Variants in SLFN5 observed in about 807,000 individuals in gnomAD.
SLFN5 encodes the protein schlafen family member 5.
In SLFN5, 34 loss-of-function variants were observed where a neutral mutation model predicts 48.5. The observed-to-expected ratio is 0.70, with a 90% CI of 0.53 to 0.93. The LOEUF (loss-of-function observed/expected upper bound fraction) is 0.93. Among genes scored for constraint, SLFN5 ranks in the 40% least tolerant of loss-of-function variants. The pLI is 0.00. For missense variants in SLFN5, 1,006 were observed against 1,071.3 expected (o/e 0.94, Z 0.85); for synonymous variants, 387 against 396.2 (o/e 0.98, Z 0.28).
intron 1 of SLFN5, among the ~76,000 whole-genome samples, chr17:35,246,985 C>A (rs971985461): frequency 6.6e-6 from 1 of 152,044 alleles, no homozygotes; most frequent in East Asian, 1.9e-4. Context: ...AATATACATA[C>A]AAACTCTGGC....
chr17:35,258,535 A>C, intron 1 of SLFN5, 116 bp from the exon 2 acceptor site: 1 of 793,706 alleles, frequency 1.3e-6, no homozygotes, highest in Non-Finnish European at 1.9e-6. Flanking sequence ...GACACAGTCA[A>C]ATCATATCAG....
chr17:35,244,330 A>G (rs995364044), intron 1 of SLFN5, among the ~76,000 whole-genome samples: 6 of 152,120 alleles, frequency 3.9e-5, no homozygotes, highest in African/African-American at 1.4e-4. Flanking sequence ...TCACTAGTGC[A>G]GGCAGGAAGG....
At chr17:35,243,503 C>A (rs1022956477) in intron 1 of SLFN5, among the ~76,000 whole-genome samples, 3 of 152,236 alleles carry the variant, frequency 2.0e-5, no homozygotes, top group African/African-American at 7.2e-5. Flanking sequence ...GAAATCGGGG[C>A]TCCCGAGGAT....
intron 1 of SLFN5, among the ~76,000 whole-genome samples, 177 bp from the exon 2 acceptor site, chr17:35,258,474 A>C (rs1184117307): frequency 6.6e-6 from 1 of 152,170 alleles, no homozygotes; most frequent in Non-Finnish European, 1.5e-5. Context: ...GCTTCCTCCT[A>C]CAACATGTGG....
At position 35,264,452 on chromosome 17, in the gene SLFN5, G is replaced by A; in HGVS notation, c.1408G>A (p.Val470Ile). ...GGGGTGCAAGGGCTATTCTATGATA[G>A]TTGCCTATTCTTTGAAGCAGAAGCT... Reference protein sequence around the residue: ...DAGCKGYSMIVAYSLKQKLVN... With the variant: ...DAGCKGYSMIIAYSLKQKLVN... The change falls in exon 4 of 5, where the codon GTT (valine) becomes ATT (isoleucine). Residue 470 changes from valine (V) to isoleucine (I), a missense_variant. Transcript: ENST00000299977. The A allele has an allele frequency of 6.2e-7, 1 of 1,614,142 alleles. No homozygotes were observed. Among genetic ancestry groups the A allele is most frequent in the Non-Finnish European group, 8.5e-7 (1 of 1,180,022 alleles).
rs202246924 is a variant in SLFN5 at position 35,264,880 on chromosome 17, C to A, written c.1836C>A (p.Asn612Lys). 1.0e-4 allele frequency: 162 copies of A among 1,566,250 alleles called. No individual in the cohort carries two copies. Among genetic ancestry groups the A allele is most frequent in the Non-Finnish European group, 1.3e-4 (151 of 1,162,698 alleles). Residue 612 changes from asparagine to lysine, a missense_variant, in exon 4 of 5, where the codon AAC (asparagine) becomes AAA (lysine). Coordinates refer to ENST00000299977, the MANE Select transcript of SLFN5 (RefSeq NM_144975.4). Reference protein sequence around the residue: ...EPANILYICENQPLKKLVSFS... With the variant: ...EPANILYICEKQPLKKLVSFS... ...CTAACATTCTCTACATCTGTGAAAA[C>A]CAGCCCCTGAAGAAGTTGGTGAGGT...
chr17:35,264,936 T>A (rs747427703), intron 4 of SLFN5, 33 bp downstream of exon 4: 12 of 1,538,842 alleles, frequency 7.8e-6, no homozygotes, highest in Non-Finnish European at 8.7e-6. Flanking sequence ...CTTTATTTTC[T>A]TGAGTGACTG....
intron 1 of SLFN5, among the ~76,000 whole-genome samples, chr17:35,254,347 T>G (rs1051430086): frequency 7.9e-5 from 12 of 152,212 alleles, no homozygotes; most frequent in African/African-American, 2.7e-4. Context: ...GCCTGTGATC[T>G]GTAGGCCTGC....
At chr17:35,245,395 G>C (rs1243318133) in intron 1 of SLFN5, among the ~76,000 whole-genome samples, 3 of 152,128 alleles carry the variant, frequency 2.0e-5, no homozygotes, top group Admixed American at 2.0e-4. Context: ...ATTTCATCAG[G>C]CTACTCAGAA....
rs751316793 is a variant in SLFN5, at chr17:35,265,807, A to G, written c.2595A>G (p.Pro865=). The G allele has an allele frequency of 1.2e-6, 2 of 1,614,206 alleles. No homozygotes were observed. The highest frequency in any genetic ancestry group is 1.7e-6 in the Non-Finnish European group (2 of 1,180,040). ...IVFGINPGVA[P]PAGAYNLLLC... ...TTGGAATCAATCCAGGAGTAGCCCC[A>G]CCGGCTGGGGCCTACAATCTTCTGC... The change falls in exon 5 of 5, where the codon CCA becomes CCG. Residue 865 remains proline, a synonymous_variant. Coordinates refer to ENST00000299977, the MANE Select transcript of SLFN5 (RefSeq NM_144975.4).
chr17:35,251,683 C>T (rs962305254), intron 1 of SLFN5, among the ~76,000 whole-genome samples: 6 of 143,470 alleles, frequency 4.2e-5, no homozygotes, highest in Non-Finnish European at 6.0e-5. Flanking sequence ...GGATTACAGG[C>T]ATGAGCCATG....
Position 35,259,432 on chromosome 17 carries a change from C to A in SLFN5, c.742C>A (p.Leu248Ile), listed in dbSNP as rs773384407. ...TGGATGTGAAAAAGAGAAAATAGACCTTACGAGCTTGAGGGCTTCTATTGA... is the reference window on the plus strand; with the variant it reads ...TGGATGTGAAAAAGAGAAAATAGACATTACGAGCTTGAGGGCTTCTATTGA... ...VIGCEKEKIDLTSLRASIDGC... is the reference protein window; with the variant it reads ...VIGCEKEKIDITSLRASIDGC... Residue 248 changes from leucine (L) to isoleucine (I), a missense_variant, in exon 2 of 5, where the codon CTT (leucine) becomes ATT (isoleucine). By Grantham distance (5) the Leu-to-Ile change is conservative. Transcript: ENST00000299977. 1.9e-6 allele frequency: 3 copies of A among 1,614,136 alleles called. No individual in the cohort carries two copies. The South Asian group carries it at 3.3e-5, about 18-fold the overall frequency.
At position 35,265,884 on chromosome 17, in the gene SLFN5, T is replaced by G; in HGVS notation, c.2672T>G (p.Val891Gly). 1 of 1,579,562 alleles carries G rather than the reference T, an allele frequency of 6.3e-7. No individual in the cohort carries two copies. Among genetic ancestry groups the G allele is most frequent in the Non-Finnish European group, 8.6e-7 (1 of 1,164,824 alleles). ...CATCTGTATATTCTGAAGGCTTCTG[T>G]GTGACAGGAAACCCAAGCCTAAGAA... ...KRHLYILKASV is the reference protein window; with the variant it reads ...KRHLYILKASG The change falls in exon 5 of 5, where the codon GTG (valine) becomes GGG (glycine). Residue 891 changes from valine (V) to glycine (G), a missense_variant. Coordinates refer to ENST00000299977, the MANE Select transcript of SLFN5 (RefSeq NM_144975.4).
intron 1 of SLFN5, among the ~76,000 whole-genome samples, chr17:35,252,297 G>A (rs1160453301): frequency 2.0e-5 from 3 of 152,246 alleles, no homozygotes; most frequent in Non-Finnish European, 2.9e-5. Flanking sequence ...TGTGCATTGT[G>A]GCGCGTTCTT....
Position 35,266,142 on chromosome 17 carries a change from ATGTGTGTGTG to A in SLFN5, c.*281_*290del, listed in dbSNP as rs58644233. The A allele has an allele frequency of 3.3e-4, 80 of 240,402 alleles. No individual in the cohort carries two copies. The highest frequency in any genetic ancestry group is 1.3e-3 in the South Asian group (17 of 13,274). The allele number at this position is 240,402 out of a possible 1,614,324, so 14.9% of individuals were successfully genotyped here. A position where few individuals can be genotyped will look rare whatever the true frequency, so the allele number is the denominator to read the frequency against. On this transcript the variant is annotated 3_prime_UTR_variant, in exon 5 of 5. Transcript: ENST00000299977. ...AATTAGAGGACCGTGAGACTCAGAGATGTGTGTGTGTGTGTGTGTGTGTGTGTGTGTGTGT... is the reference window on the plus strand; with the variant it reads ...AATTAGAGGACCGTGAGACTCAGAGATGTGTGTGTGTGTGTGTGTGTGTGT...
rs1904702256 is a variant in SLFN5, at chr17:35,266,491, GCTTTTT to G, written c.*609_*614del. The G allele has an allele frequency of 6.6e-6, 1 of 152,120 alleles. No individual in the cohort carries two copies. The highest frequency in any genetic ancestry group is 1.5e-5 in the Non-Finnish European group (1 of 68,028). 9.4% of individuals were successfully genotyped at this position (152,120 alleles called of 1,614,324 possible). ...ACATTATATTACTTTATTATTTTCT[GCTTTTT>G]CTTTTAACGACATTAGTGTTTTTGA... On this transcript the variant is annotated 3_prime_UTR_variant, in exon 5 of 5. Transcript: ENST00000299977.
intron 1 of SLFN5, among the ~76,000 whole-genome samples, chr17:35,246,124 T>G (rs145122142): frequency 1.1e-4 from 16 of 152,300 alleles, no homozygotes; most frequent in African/African-American, 3.8e-4. Context: ...CTTATTTGTA[T>G]CCATATATTT....
At chr17:35,257,545 A>G (rs2142697013) in intron 1 of SLFN5, among the ~76,000 whole-genome samples, 1 of 128,576 alleles carries the variant, frequency 7.8e-6, no homozygotes, top group South Asian at 2.5e-4. Context: ...GCTGGAGTAA[A>G]GCAATTTTTT....
Position 35,264,574 on chromosome 17 carries a change from T to C in SLFN5, c.1530T>C (p.Tyr510=), listed in dbSNP as rs147741584. ...AAGCACAGAGCGTTTACAGTTCGTATTTACAAATTTACCCTGAATCCTATA... is the reference window on the plus strand; with the variant it reads ...AAGCACAGAGCGTTTACAGTTCGTACTTACAAATTTACCCTGAATCCTATA... ...DRKAQSVYSS[Y]LQIYPESYNF... Residue 510 remains tyrosine (Y), a synonymous_variant, in exon 4 of 5, where the codon TAT becomes TAC. Transcript: ENST00000299977. 26 of 1,614,066 alleles carry C rather than the reference T, an allele frequency of 1.6e-5. No homozygotes were observed. Among genetic ancestry groups the C allele is most frequent in the Non-Finnish European group, 5.1e-6 (6 of 1,180,046 alleles).
Sources: allele counts gnomAD v4.1 joint callset (sites outside exome capture counted in the v4.1 genomes callset), GRCh38; gene constraint gnomAD v4.1.1; transcripts MANE v1.5; gene names NCBI Gene and HGNC (gene_info 2026-07-23, HGNC 2026-07-21).